Variants in UBE4B observed in about 807,000 individuals in gnomAD.
UBE4B encodes ubiquitin conjugation factor E4 B.
A neutral mutation model predicts 148.1 loss-of-function variants in UBE4B; 27 were observed. That is an observed-to-expected ratio of 0.18 (90% confidence interval 0.13 to 0.25). UBE4B has a LOEUF of 0.25. Ranked by LOEUF, UBE4B falls within the 10% of genes least tolerant of loss-of-function variation. The probability of loss-of-function intolerance (pLI) is 1.00; values close to 1 mark genes in which losing one functional copy is unlikely to be tolerated. For missense variants in UBE4B, 1,170 were observed against 1,662.4 expected, an observed-to-expected ratio of 0.70 and a Z score of 5.15; for synonymous variants, 596 against 619.3, an observed-to-expected ratio of 0.96 and a Z score of 0.56.
At position 10,111,231 on chromosome 1, in the gene UBE4B, G is replaced by A. The variant is rs138229380; in HGVS notation, c.1196+4648G>A. Among the ~76,000 whole-genome samples, 729 of 151,308 alleles carry A rather than the reference G, an allele frequency of 4.8e-3. 8 individuals are homozygous for A. The highest frequency in any genetic ancestry group is 0.017 in the African/African-American group (686 of 41,224). ...CACATACTACACACACACACACCAC[G>A]CGCTACACACACACCCCCACACCAA... On this transcript the variant is annotated intron_variant, in intron 7 of 27. Transcript: ENST00000343090.
chr1:10,053,220 C>A (rs2101797352), intron 1 of UBE4B, among the ~76,000 whole-genome samples: 1 of 146,984 alleles, frequency 6.8e-6, no homozygotes, highest in African/African-American at 2.5e-5. Context: ...GCGATCTCGG[C>A]TCGCTGCAAG....
intron 1 of UBE4B, among the ~76,000 whole-genome samples, chr1:10,057,386 T>C (rs77559290): frequency 0.014 from 2,171 of 151,842 alleles, 22 homozygotes; most frequent in East Asian, 0.031. Flanking sequence ...ACCTTTTTTT[T>C]CTCCCTGAGA....
chr1:10,168,252 G>A lies in UBE4B; in HGVS notation c.3315G>A (p.Gln1105=). 6.2e-7 allele frequency: 1 copy of A among 1,614,158 alleles called. No homozygotes were observed. Among genetic ancestry groups the A allele is most frequent in the East Asian group, 2.2e-5 (1 of 44,876 alleles). The change falls in exon 24 of 28, where the codon CAG becomes CAA. Residue 1105 remains glutamine (Q), a synonymous_variant. Coordinates refer to ENST00000343090, the MANE Select transcript of UBE4B (RefSeq NM_001105562.3). The surrounding 1 kb of genome is among the most constrained non-coding windows in gnomAD (Gnocchi z 4.9). ...DMFHILTKQV[Q]KPFLRPELGP... Reference sequence around the variant, plus strand: ...TCCACATCCTCACGAAGCAGGTCCAGAAGCCCTTCCTCAGACCGGTGAGTA... The same window carrying A: ...TCCACATCCTCACGAAGCAGGTCCAAAAGCCCTTCCTCAGACCGGTGAGTA...
intron 25 of UBE4B, among the ~76,000 whole-genome samples, chr1:10,173,088 C>T (rs945664931): frequency 1.3e-5 from 2 of 152,166 alleles, no homozygotes; most frequent in African/African-American, 4.8e-5. Context: ...AGACATTTCT[C>T]AGAGCGACAC....
chr1:10,098,957 G>A (rs556559013), intron 3 of UBE4B, among the ~76,000 whole-genome samples: 110 of 152,280 alleles, frequency 7.2e-4, no homozygotes, highest in African/African-American at 2.3e-3. Flanking sequence ...TTACATGTTG[G>A]CTGGGCACAG....
intron 1 of UBE4B, among the ~76,000 whole-genome samples, chr1:10,046,130 A>G (rs1643908033): frequency 6.6e-6 from 1 of 152,078 alleles, no homozygotes. Flanking sequence ...GTGCCTCTTC[A>G]TGGCACAGCT....
chr1:10,156,469 A>ACAGG (rs1294148829), intron 21 of UBE4B, among the ~76,000 whole-genome samples: 1 of 151,966 alleles, frequency 6.6e-6, no homozygotes. Flanking sequence ...CAAACTCCTG[A>ACAGG]GCTCAAGTGA....
chr1:10,087,756 T>G (rs867732222), intron 2 of UBE4B, among the ~76,000 whole-genome samples: 23 of 152,234 alleles, frequency 1.5e-4, no homozygotes, highest in African/African-American at 5.5e-4. Context: ...CCACTTAAAC[T>G]TAGTATTTTT....
intron 2 of UBE4B, among the ~76,000 whole-genome samples, chr1:10,078,015 T>G (rs1200557379): frequency 1.4e-5 from 2 of 145,206 alleles, no homozygotes; most frequent in Non-Finnish European, 3.0e-5. Context: ...ATTATGCTAG[T>G]TTTTTTTTTT....
chr1:10,066,941 A>G (rs1457100509), intron 1 of UBE4B, among the ~76,000 whole-genome samples: 3 of 152,126 alleles, frequency 2.0e-5, no homozygotes, highest in African/African-American at 7.2e-5. Flanking sequence ...AGTTATTGTC[A>G]TCTTTCCAAG....
chr1:10,107,103 T>C (rs959830789), intron 7 of UBE4B: 2 of 900,104 alleles, frequency 2.2e-6, no homozygotes, highest in Admixed American at 5.7e-5. Context: ...TGTTTCTGCA[T>C]GTCAGTGGCC....
rs749818456 is a variant in UBE4B at position 10,135,005 on chromosome 1, G to T, written c.2043G>T (p.Val681=). Residue 681 remains valine (V), a synonymous_variant, in exon 16 of 28, where the codon GTG becomes GTT. Coordinates refer to ENST00000343090, the MANE Select transcript of UBE4B (RefSeq NM_001105562.3). The stretch of plus-strand genomic sequence containing the variant: ...TTTCACAGACAGATGATAGATTGGT[G>T]TCTACAGATGGATTTATGCTGAATT... ...KAQMQTDDRL[V]STDGFMLNFL... The T allele has an allele frequency of 1.2e-6, 2 of 1,613,978 alleles. No homozygotes were observed. Among genetic ancestry groups the T allele is most frequent in the African/African-American group, 2.7e-5 (2 of 74,908 alleles).
intron 1 of UBE4B, among the ~76,000 whole-genome samples, chr1:10,071,817 C>T (rs977045815): frequency 6.6e-6 from 1 of 152,144 alleles, no homozygotes; most frequent in Admixed American, 6.6e-5. Context: ...AGGCAGGCAC[C>T]GCTGAACCTG....
chr1:10,093,363 G>T (rs1201708401), intron 2 of UBE4B, among the ~76,000 whole-genome samples: 7 of 152,074 alleles, frequency 4.6e-5, no homozygotes, highest in Non-Finnish European at 1.0e-4. Flanking sequence ...TGAAATTAAT[G>T]AATCAAAAGT....
chr1:10,121,201 C>T (rs963192076), intron 9 of UBE4B, among the ~76,000 whole-genome samples: 2 of 151,438 alleles, frequency 1.3e-5, no homozygotes, highest in Admixed American at 1.3e-4. Context: ...ACTAAAAATA[C>T]AAAAATTAGC....
chr1:10,061,912 C>CTTTTTTTTTTTTT (rs767477329), intron 1 of UBE4B, among the ~76,000 whole-genome samples: 2 of 138,276 alleles, frequency 1.4e-5, no homozygotes, highest in African/African-American at 2.6e-5. Flanking sequence ...CTTCTTTTTT[C>CTTTTTTTTTTTTT]TTTTTTTTTT....
intron 24 of UBE4B, among the ~76,000 whole-genome samples, chr1:10,169,849 T>C (rs772688292): frequency 2.6e-4 from 39 of 152,184 alleles, no homozygotes; most frequent in Non-Finnish European, 2.4e-4. Context: ...ACCCCGTCTC[T>C]ACTAAAAATA....
intron 21 of UBE4B, among the ~76,000 whole-genome samples, chr1:10,153,764 A>G (rs939229905): frequency 2.6e-5 from 4 of 152,118 alleles, no homozygotes; most frequent in Non-Finnish European, 4.4e-5. Flanking sequence ...CCTCGCCAAC[A>G]TGGTGAAACC....
intron 27 of UBE4B, 87 bp from the exon 28 acceptor site, chr1:10,179,808 T>A (rs1161084915): frequency 6.5e-7 from 1 of 1,538,874 alleles, no homozygotes; most frequent in Non-Finnish European, 8.9e-7. Flanking sequence ...TGGCCTTTTC[T>A]TCCCATTTAT....
Sources: allele counts gnomAD v4.1 joint callset (sites outside exome capture counted in the v4.1 genomes callset), GRCh38; gene constraint gnomAD v4.1.1; non-coding constraint Gnocchi (gnomAD v3.1); transcripts MANE v1.5; gene names NCBI Gene and HGNC (gene_info 2026-07-23, HGNC 2026-07-21).